The following OPCML variants were observed in gnomAD, a reference collection of about 807,000 sequenced individuals.
OPCML encodes the protein opioid binding protein/cell adhesion molecule like.
A neutral mutation model predicts 37.8 loss-of-function variants in OPCML; 13 were observed. The observed-to-expected ratio is 0.34, with a 90% CI of 0.22 to 0.55. OPCML has a LOEUF of 0.55. OPCML is among the 20% of genes least tolerant of loss of function. The pLI, the probability that OPCML is intolerant of heterozygous loss-of-function variation, is 0.91. For synonymous variants in OPCML, 176 were observed against 168.8 expected, an observed-to-expected ratio of 1.04 and a Z score of -0.33; for missense variants, 341 against 435.6, an observed-to-expected ratio of 0.78 and a Z score of 1.93.
chr11:132,723,239 C>G (rs1944741871), intron 2 of OPCML, among the ~76,000 whole-genome samples: 1 of 152,222 alleles, frequency 6.6e-6, no homozygotes, highest in Non-Finnish European at 1.5e-5. Context: ...CTCACCAAAA[C>G]CGTATATTAA....
chr11:133,374,210 T>G (rs368663298), intron 1 of OPCML, among the ~76,000 whole-genome samples: 7 of 152,228 alleles, frequency 4.6e-5, no homozygotes, highest in African/African-American at 1.4e-4. Context: ...AATAATTATG[T>G]TCAATGAAAA....
intron 1 of OPCML, among the ~76,000 whole-genome samples, chr11:133,295,540 G>C (rs1942609101): frequency 6.6e-6 from 1 of 152,084 alleles, no homozygotes; most frequent in South Asian, 2.1e-4. Context: ...AACATCTTCA[G>C]GGAAAAACAA....
At chr11:133,328,892 T>C (rs540244543) in intron 1 of OPCML, among the ~76,000 whole-genome samples, 1 of 152,288 alleles carries the variant, frequency 6.6e-6, no homozygotes, top group East Asian at 1.9e-4. Context: ...GAAGTCAAAT[T>C]GTCCCTGTTT....
chr11:133,293,516 T>A (rs1458531481), intron 1 of OPCML, among the ~76,000 whole-genome samples: 1 of 152,196 alleles, frequency 6.6e-6, no homozygotes, highest in Non-Finnish European at 1.5e-5. Flanking sequence ...TGCTGGCTAC[T>A]AAGTAATAAA....
chr11:132,609,149 G>A (rs546228121), intron 3 of OPCML, among the ~76,000 whole-genome samples: 2 of 151,912 alleles, frequency 1.3e-5, no homozygotes, highest in East Asian at 3.9e-4. Context: ...CAGAATCAAT[G>A]CCAAACCCTT....
At chr11:132,870,977 C>A (rs1591731743) in intron 2 of OPCML, among the ~76,000 whole-genome samples, 1 of 152,104 alleles carries the variant, frequency 6.6e-6, no homozygotes, top group East Asian at 1.9e-4. Context: ...TCAAGAGATT[C>A]ATTATACAAC....
chr11:133,114,683 G>T (rs1054483128), intron 1 of OPCML, among the ~76,000 whole-genome samples: 4 of 150,818 alleles, frequency 2.7e-5, no homozygotes, highest in African/African-American at 9.7e-5. Flanking sequence ...CAGAAAGATA[G>T]AAATTTGCAT....
intron 2 of OPCML, among the ~76,000 whole-genome samples, chr11:132,869,415 G>A: frequency 6.6e-6 from 1 of 152,146 alleles, no homozygotes; most frequent in East Asian, 1.9e-4. Flanking sequence ...AGCAAAGTGA[G>A]AGCAGTATCC....
At chr11:132,461,853 A>T (rs1199420817) in intron 4 of OPCML, among the ~76,000 whole-genome samples, 1 of 152,134 alleles carries the variant, frequency 6.6e-6, no homozygotes, top group African/African-American at 2.4e-5. Flanking sequence ...TTATAAAATC[A>T]TCAGATCTCC....
chr11:133,399,919 A>C (rs1300674212), intron 1 of OPCML, among the ~76,000 whole-genome samples: 3 of 151,356 alleles, frequency 2.0e-5, no homozygotes, highest in Non-Finnish European at 4.4e-5. Context: ...CTATCTACTA[A>C]TGCATGCACA....
At chr11:132,456,025 G>A (rs1011502814) in intron 4 of OPCML, among the ~76,000 whole-genome samples, 9 of 152,152 alleles carry the variant, frequency 5.9e-5, no homozygotes, top group Admixed American at 1.3e-4. Context: ...TTGGGGTAGA[G>A]GGGAGGTATA....
At chr11:132,601,983 G>T (rs1420492688) in intron 3 of OPCML, among the ~76,000 whole-genome samples, 1 of 152,022 alleles carries the variant, frequency 6.6e-6, no homozygotes, top group Non-Finnish European at 1.5e-5. Flanking sequence ...TTCCCTCCAG[G>T]CACTATGATT....
Position 132,697,411 on chromosome 11 carries a change from T to C in OPCML, c.147-40092A>G, listed in dbSNP as rs1005627844. 1.1e-4 allele frequency among the ~76,000 whole-genome samples: 16 copies of C among 152,192 alleles called. No individual in the cohort carries two copies. In the East Asian group the frequency reaches 1.9e-3, roughly 18 times the overall value. On this transcript the variant is annotated intron_variant, in intron 2 of 7. Transcript: ENST00000524381. ...CATCCTGCATAACCAAAATGTTGTA[T>C]CATTTGACAAACATCTCCCTGCTTC...
In OPCML at chr11:133,173,441, C is replaced by T. The variant is rs367896368; in HGVS notation, c.62-230431G>A. On this transcript the variant is annotated intron_variant, in intron 1 of 7. Coordinates refer to ENST00000524381, the MANE Select transcript of OPCML (RefSeq NM_001012393.5). The surrounding 1 kb of genome is among the most constrained non-coding windows in gnomAD (Gnocchi z 7.8). ...TTAAAAGAATAATAAATCGAGTGAA[C>T]AAATAAATAAATGAGCAACCACTAG... 5.3e-5 allele frequency among the ~76,000 whole-genome samples: 8 copies of T among 152,094 alleles called. No homozygotes were observed. Among genetic ancestry groups the T allele is most frequent in the African/African-American group, 1.9e-4 (8 of 41,408 alleles).
chr11:133,290,189 C>T (rs1342332676), intron 1 of OPCML, among the ~76,000 whole-genome samples: 2 of 152,182 alleles, frequency 1.3e-5, no homozygotes, highest in East Asian at 3.9e-4. Context: ...TCAGCAGCTG[C>T]ACTGCTTTTG....
intron 1 of OPCML, among the ~76,000 whole-genome samples, chr11:133,489,852 A>T (rs61407815): frequency 0.059 from 8,333 of 142,070 alleles, 244 homozygotes; most frequent in East Asian, 0.083. Flanking sequence ...ATATATATAT[A>T]TTTTTTTATA....
intron 2 of OPCML, among the ~76,000 whole-genome samples, chr11:132,780,400 A>G (rs1244110404): frequency 6.6e-6 from 1 of 152,206 alleles, no homozygotes; most frequent in Non-Finnish European, 1.5e-5. Flanking sequence ...TCACCTTAGC[A>G]TATTAATAGT....
At chr11:133,135,907 A>G (rs1949682395) in intron 1 of OPCML, among the ~76,000 whole-genome samples, 1 of 152,224 alleles carries the variant, frequency 6.6e-6, no homozygotes, top group Non-Finnish European at 1.5e-5. Flanking sequence ...AGCAGAATGT[A>G]ATTACCCAAG....
At chr11:132,873,829 TAGAA>T (rs1048560343) in intron 2 of OPCML, among the ~76,000 whole-genome samples, 6 of 151,288 alleles carry the variant, frequency 4.0e-5, no homozygotes, top group African/African-American at 1.5e-4. Flanking sequence ...TAAAAAAAAT[TAGAA>T]AGTAAAGGAG....
Sources: gnomAD v4.1 joint callset for allele counts (sites outside exome capture counted in the v4.1 genomes callset) on GRCh38, gnomAD v4.1.1 for gene constraint, Gnocchi (gnomAD v3.1) non-coding constraint, MANE v1.5 for transcripts, NCBI Gene and HGNC (gene_info 2026-07-23, HGNC 2026-07-21) for gene names.